SIVA1: variants seen among roughly 807,000 people sequenced by gnomAD.
SIVA1 encodes the protein SIVA1 apoptosis inducing factor.
In SIVA1, 10 loss-of-function variants were observed where a neutral mutation model predicts 19.7. That is an observed-to-expected ratio of 0.51 (90% CI 0.31 to 0.86). SIVA1 has a LOEUF of 0.86. SIVA1 is among the 40% of genes least tolerant of loss of function. The probability of loss-of-function intolerance (pLI) is 0.04; values close to 1 mark genes in which losing one functional copy is unlikely to be tolerated. For missense variants in SIVA1, 241 were observed against 245.2 expected (o/e 0.98, Z 0.11); for synonymous variants, 130 against 106.1 (o/e 1.23, Z -1.39).
At chr14:104,755,495 AG>A in intron 1 of SIVA1, 134 bp from the exon 2 acceptor site, 2 of 781,888 alleles carry the variant, frequency 2.6e-6, no homozygotes, top group South Asian at 3.2e-5. Context: ...GGCACAACAC[AG>A]GCTGGGGTTA....
At chr14:104,757,267 C>A (rs557039235) in intron 3 of SIVA1, 2 of 430,440 alleles carry the variant, frequency 4.6e-6, no homozygotes, top group Non-Finnish European at 9.3e-6. Flanking sequence ...GGGGCGTTCT[C>A]ACCCTAGGGG....
chr14:104,758,207 T>A (rs1891962235), intron 3 of SIVA1: 1 of 152,350 alleles, frequency 6.6e-6, no homozygotes, highest in Admixed American at 6.5e-5. Context: ...CCAGCAGCCT[T>A]TGGCGTCCTG....
chr14:104,754,872 C>T (rs1360134487), intron 1 of SIVA1, among the ~76,000 whole-genome samples: 1 of 152,168 alleles, frequency 6.6e-6, no homozygotes, highest in East Asian at 1.9e-4. Flanking sequence ...TATTGCTGCC[C>T]ACTTCATGTA....
At chr14:104,756,855 C>CAT (rs2140860118) in intron 3 of SIVA1, 95 bp downstream of exon 3, 1 of 1,342,212 alleles carries the variant, frequency 7.5e-7, no homozygotes, top group East Asian at 2.6e-5. Flanking sequence ...CCAGAACACA[C>CAT]ACGTGTGGCC....
chr14:104,755,339 G>C (rs1032443877), intron 1 of SIVA1, among the ~76,000 whole-genome samples: 1 of 152,180 alleles, frequency 6.6e-6, no homozygotes, highest in Admixed American at 6.5e-5. Context: ...AAAATGAGCC[G>C]AGTGATAGGA....
chr14:104,753,190 GGCC>G lies in SIVA1; in HGVS notation c.-11_-9del, dbSNP rs780275013. ...GCGGCCGGGGAGCTGCGTAGCTCCC[GGCC>G]CCGCGGCCATGCCCAAGCGGAGCTG... On this transcript the variant is annotated 5_prime_UTR_variant, in exon 1 of 4. Coordinates refer to ENST00000329967, the MANE Select transcript of SIVA1 (RefSeq NM_006427.4). 1 of 1,543,876 alleles carries G rather than the reference GGCC, an allele frequency of 6.5e-7. No individual in the cohort carries two copies. The highest frequency in any genetic ancestry group is 8.8e-7 in the Non-Finnish European group (1 of 1,142,120).
rs1221166793 is a variant in SIVA1 at position 104,753,234 on chromosome 14, G to C, written c.33G>C (p.Val11=). 1.3e-6 allele frequency: 2 copies of C among 1,587,750 alleles called. No individual in the cohort carries two copies. The highest frequency in any genetic ancestry group is 2.7e-5 in the African/African-American group (2 of 73,152). The stretch of plus-strand genomic sequence containing the variant: ...AGCGGAGCTGCCCCTTCGCGGACGT[G>C]GCCCCGCTACAGCTCAAGGTCCGCG... MPKRSCPFAD[V]APLQLKVRVS... is the part of the protein sequence containing the mutation. The change falls in exon 1 of 4, where the codon GTG becomes GTC. Residue 11 remains valine (V), a synonymous_variant. Coordinates refer to ENST00000329967, the MANE Select transcript of SIVA1 (RefSeq NM_006427.4).
chr14:104,756,861 T>C, intron 3 of SIVA1, 101 bp downstream of exon 3: 4 of 1,312,778 alleles, frequency 3.0e-6, no homozygotes, highest in South Asian at 2.9e-5. Flanking sequence ...CACACACGTG[T>C]GGCCCCTGAT....
Position 104,759,118 on chromosome 14 carries a change from T to C in SIVA1, c.471-310T>C. On this transcript the variant is annotated intron_variant, in intron 3 of 3. Coordinates refer to ENST00000329967, the MANE Select transcript of SIVA1 (RefSeq NM_006427.4). This position sits in a 1 kb window ranked among gnomAD's most constrained non-coding sequence, Gnocchi z 4.2. Reference sequence around the variant, plus strand: ...AATGGAAAACCTGTCCTGGCCTCTCTCCTGGCATCTGCTGGTTATCTTTGG... The same window carrying C: ...AATGGAAAACCTGTCCTGGCCTCTCCCCTGGCATCTGCTGGTTATCTTTGG... 1 of 244,796 alleles carries C rather than the reference T, an allele frequency of 4.1e-6. No homozygotes were observed. The highest frequency in any genetic ancestry group is 7.9e-6 in the Non-Finnish European group (1 of 127,050). The allele number at this position is 244,796 out of a possible 1,614,324, so 15.2% of individuals were successfully genotyped here.
At chr14:104,754,062 C>T (rs1489344280) in intron 1 of SIVA1, among the ~76,000 whole-genome samples, 1 of 152,070 alleles carries the variant, frequency 6.6e-6, no homozygotes, top group African/African-American at 2.4e-5. Flanking sequence ...CTGCAGTGTC[C>T]AGTTCTGGGT....
intron 2 of SIVA1, 98 bp from the exon 3 acceptor site, chr14:104,756,506 G>A (rs1891892484): frequency 1.4e-6 from 2 of 1,423,392 alleles, no homozygotes; most frequent in Non-Finnish European, 9.8e-7. Context: ...GCAGGTCAGA[G>A]CCCTCTGCCC....
Position 104,756,629 on chromosome 14 carries a change from C to G in SIVA1, c.339C>G (p.Ala113=). The change falls in exon 3 of 4, where the codon GCC becomes GCG. Residue 113 remains alanine (A), a synonymous_variant. Coordinates refer to ENST00000329967, the MANE Select transcript of SIVA1 (RefSeq NM_006427.4). ...EADPSGVASI[A]CSSCVRAVDG... ...ACCCATCTGGGGTAGCGTCCATTGC[C>G]TGTTCCTCATGCGTGCGAGCCGTGG... 10 of 1,614,240 alleles carry G rather than the reference C, an allele frequency of 6.2e-6. No homozygotes were observed. The highest frequency in any genetic ancestry group is 7.6e-6 in the Non-Finnish European group (9 of 1,180,044).
At position 104,755,704 on chromosome 14, in the gene SIVA1, G is replaced by A. The variant is rs779611757; in HGVS notation, c.193G>A (p.Val65Ile). The A allele has an allele frequency of 4.3e-6, 7 of 1,613,934 alleles. No individual in the cohort carries two copies. The highest frequency in any genetic ancestry group is 1.3e-5 in the African/African-American group (1 of 74,922). ...DHVWDEGCAVVHLPESPKPGP... is the reference protein window; with the variant it reads ...DHVWDEGCAVIHLPESPKPGP... Reference sequence around the variant, plus strand: ...CGTGTGGGATGAAGGCTGTGCCGTCGTTCACCTGCCAGAGTCCCCAAAGCC... The same window carrying A: ...CGTGTGGGATGAAGGCTGTGCCGTCATTCACCTGCCAGAGTCCCCAAAGCC... The change falls in exon 2 of 4, where the codon GTT (valine) becomes ATT (isoleucine). Residue 65 changes from valine to isoleucine, a missense_variant. Physicochemically the swap from Val to Ile is conservative, Grantham distance 29. Coordinates refer to ENST00000329967, the MANE Select transcript of SIVA1 (RefSeq NM_006427.4).
intron 2 of SIVA1, 67 bp downstream of exon 2, chr14:104,755,891 T>C (rs1351470002): frequency 5.4e-6 from 8 of 1,470,660 alleles, no homozygotes; most frequent in Non-Finnish European, 7.5e-6. Context: ...AGCATTTTTC[T>C]TGATTTGCAA....
In SIVA1 at chr14:104,756,704, T is replaced by C; in HGVS notation, c.414T>C (p.Cys138=). Residue 138 remains cysteine (C), a synonymous_variant, in exon 3 of 4, where the codon TGT becomes TGC. Coordinates refer to ENST00000329967, the MANE Select transcript of SIVA1 (RefSeq NM_006427.4). The part of the protein sequence containing the change: ...GQCERALCGQ[C]VRTCWGCGSV... ...GTGAGCGAGCCCTGTGCGGGCAGTGTGTGCGCACCTGCTGGGGCTGCGGCT... is the reference window on the plus strand; with the variant it reads ...GTGAGCGAGCCCTGTGCGGGCAGTGCGTGCGCACCTGCTGGGGCTGCGGCT... The C allele has an allele frequency of 6.2e-7, 1 of 1,614,104 alleles. No homozygotes were observed. The highest frequency in any genetic ancestry group is 8.5e-7 in the Non-Finnish European group (1 of 1,180,006).
intron 2 of SIVA1, chr14:104,756,350 G>C (rs1469139433): frequency 3.5e-6 from 2 of 566,898 alleles, no homozygotes; most frequent in African/African-American, 3.8e-5. Flanking sequence ...AGGTAGCAGA[G>C]GGACCTGGTA....
In SIVA1 at chr14:104,753,297, G is replaced by A; in HGVS notation, c.96G>A (p.Glu32=). Residue 32 remains glutamate (E), a synonymous_variant, in exon 1 of 4, where the codon GAG becomes GAA. Coordinates refer to ENST00000329967, the MANE Select transcript of SIVA1 (RefSeq NM_006427.4). ...AGTTGAGCCGCGGCGTGTGCGCCGA[G>A]CGCTACTCGCAGGAGGTCTTCGGTG... ...QRELSRGVCA[E]RYSQEVFEKT... 1 of 1,601,018 alleles carries A rather than the reference G, an allele frequency of 6.2e-7. No individual in the cohort carries two copies.
At chr14:104,756,313 A>C in intron 2 of SIVA1, 1 of 515,750 alleles carries the variant, frequency 1.9e-6, no homozygotes. Flanking sequence ...CAACAGGGGA[A>C]GAATGGTCCT....
rs1384077541 is a variant in SIVA1 at position 104,759,393 on chromosome 14, G to A, written c.471-35G>A. 6 of 1,597,730 alleles carry A rather than the reference G, an allele frequency of 3.8e-6. No individual in the cohort carries two copies. Among genetic ancestry groups the A allele is most frequent in the Non-Finnish European group, 4.3e-6 (5 of 1,168,238 alleles). Reference sequence around the variant, plus strand: ...GGTGGACACAATTCAGCCCCTGACAGCAGCTTTTCTCTCCCCTCCCTGACG... The same window carrying A: ...GGTGGACACAATTCAGCCCCTGACAACAGCTTTTCTCTCCCCTCCCTGACG... On this transcript the variant is annotated intron_variant, in intron 3 of 3. Coordinates refer to ENST00000329967, the MANE Select transcript of SIVA1 (RefSeq NM_006427.4). This position sits in a 1 kb window ranked among gnomAD's most constrained non-coding sequence, Gnocchi z 4.2.
Sources: allele counts gnomAD v4.1 joint callset (sites outside exome capture counted in the v4.1 genomes callset), GRCh38; gene constraint gnomAD v4.1.1; non-coding constraint Gnocchi (gnomAD v3.1); transcripts MANE v1.5; gene names NCBI Gene and HGNC (gene_info 2026-07-23, HGNC 2026-07-21).